Variants in TEX22 observed in about 807,000 individuals in gnomAD.
TEX22 encodes testis-expressed protein 22.
A neutral mutation model predicts 11.3 loss-of-function variants in TEX22; 16 were observed. That is an observed-to-expected ratio of 1.42 (90% CI 0.96 to 2.15). TEX22 has a LOEUF of 2.15. Among genes scored for constraint, TEX22 ranks in the 30% most tolerant of loss-of-function variants. The probability of loss-of-function intolerance (pLI) is 0.00; values close to 1 mark genes in which losing one functional copy is unlikely to be tolerated. For synonymous variants in TEX22, 97 were observed against 92.3 expected, an observed-to-expected ratio of 1.05 and a Z score of -0.29; for missense variants, 220 against 208.6, an observed-to-expected ratio of 1.05 and a Z score of -0.34.
At chr14:105,398,808 A>G (rs1212036084) in intron 1 of TEX22, among the ~76,000 whole-genome samples, 173 bp downstream of exon 1, 1 of 150,656 alleles carries the variant, frequency 6.6e-6, no homozygotes, top group South Asian at 2.1e-4. Context: ...CCGCCTCCCC[A>G]CCGGAGAGGG....
chr14:105,404,264 C>G (rs1555418698), intron 2 of TEX22, among the ~76,000 whole-genome samples: 1 of 152,230 alleles, frequency 6.6e-6, no homozygotes, highest in Non-Finnish European at 1.5e-5. Flanking sequence ...CCCCATAGGA[C>G]AGCTTCAGTA....
Position 105,411,354 on chromosome 14 carries a change from G to A in TEX22, c.151-14G>A. ...GCGCCGAGGCCCTCGCCGACCCGCT[G>A]CCCTGTCCCCCAGGTGTGCGAGCCG... On this transcript the variant is annotated splice_polypyrimidine_tract_variant and intron_variant, in intron 2 of 3. Transcript: ENST00000451127. 3.0e-6 allele frequency: 4 copies of A among 1,324,116 alleles called. No individual in the cohort carries two copies. Among genetic ancestry groups the A allele is most frequent in the Non-Finnish European group, 3.9e-6 (4 of 1,036,302 alleles). 82.0% of individuals were successfully genotyped at this position (1,324,116 alleles called of 1,614,324 possible). A position where few individuals can be genotyped will look rare whatever the true frequency, so the allele number is the denominator to read the frequency against.
At position 105,411,922 on chromosome 14, in the gene TEX22, C is replaced by G. The variant is rs1420906397; in HGVS notation, c.*89C>G. 5 of 1,279,076 alleles carry G rather than the reference C, an allele frequency of 3.9e-6. No homozygotes were observed. The highest frequency in any genetic ancestry group is 5.1e-6 in the Non-Finnish European group (5 of 976,322). 79.2% of individuals were successfully genotyped at this position (1,279,076 alleles called of 1,614,324 possible). ...GCCTCTGCGCCTTCTTTGTGCCCCA[C>G]CAGGGGGTCACCACCCACCCATGTT... On this transcript the variant is annotated 3_prime_UTR_variant, in exon 4 of 4. Coordinates refer to ENST00000451127, the MANE Select transcript of TEX22 (RefSeq NM_001195082.2).
intron 2 of TEX22, among the ~76,000 whole-genome samples, chr14:105,403,601 T>G (rs56169256): frequency 6.6e-6 from 1 of 152,184 alleles, no homozygotes; most frequent in African/African-American, 2.4e-5. Flanking sequence ...TTTAAAAAAA[T>G]TTTTGCAGAG....
chr14:105,404,339 A>G (rs587769498), intron 2 of TEX22, among the ~76,000 whole-genome samples: 2 of 152,296 alleles, frequency 1.3e-5, no homozygotes, highest in South Asian at 2.1e-4. Flanking sequence ...GAAAGCTGCA[A>G]TGACTTCCAT....
intron 2 of TEX22, among the ~76,000 whole-genome samples, chr14:105,407,769 T>A (rs1370638831): frequency 1.3e-5 from 2 of 151,906 alleles, no homozygotes; most frequent in Non-Finnish European, 2.9e-5. Context: ...TCAACAGGAG[T>A]GTTTTGTTAT....
rs2081698597 is a variant in TEX22, at chr14:105,412,263, G to GGC, written c.*431_*432dup. 1 of 158,428 alleles carries GGC rather than the reference G, an allele frequency of 6.3e-6. No individual in the cohort carries two copies. The highest frequency in any genetic ancestry group is 2.4e-5 in the African/African-American group (1 of 41,664). The allele number at this position is 158,428 out of a possible 1,614,324, so 9.8% of individuals were successfully genotyped here. The stretch of plus-strand genomic sequence containing the variant: ...TCTGCCTGCACCAGGCTGTGAGATG[G>GGC]GCCAGGCAGAGTTCTCCAGGGGGCG... On this transcript the variant is annotated 3_prime_UTR_variant, in exon 4 of 4. Coordinates refer to ENST00000451127, the MANE Select transcript of TEX22 (RefSeq NM_001195082.2). The surrounding 1 kb of genome is among the most constrained non-coding windows in gnomAD (Gnocchi z 5.8).
At chr14:105,402,963 A>T (rs2141357149) in intron 2 of TEX22, among the ~76,000 whole-genome samples, 1 of 152,216 alleles carries the variant, frequency 6.6e-6, no homozygotes, top group South Asian at 2.1e-4. Context: ...TGGAAAAGGG[A>T]TCTCCATCTG....
intron 3 of TEX22, 34 bp from the exon 4 acceptor site, chr14:105,411,626 C>G (rs1555419402): frequency 6.6e-7 from 1 of 1,512,014 alleles, no homozygotes. Flanking sequence ...CCCCTTCCCG[C>G]CCCTCGAGGC....
chr14:105,410,882 T>A (rs1404271684), intron 2 of TEX22, among the ~76,000 whole-genome samples: 3 of 152,258 alleles, frequency 2.0e-5, no homozygotes, highest in Non-Finnish European at 4.4e-5. Flanking sequence ...CAGTCTCCTG[T>A]ACCCTGCCAG....
At chr14:105,408,456 C>T (rs1043455408) in intron 2 of TEX22, among the ~76,000 whole-genome samples, 1 of 151,816 alleles carries the variant, frequency 6.6e-6, no homozygotes. Flanking sequence ...CAGAGTCTCG[C>T]TCCATCACCC....
At chr14:105,410,453 G>A (rs1666939749) in intron 2 of TEX22, among the ~76,000 whole-genome samples, 1 of 152,146 alleles carries the variant, frequency 6.6e-6, no homozygotes, top group African/African-American at 2.4e-5. Context: ...TTGATCCATT[G>A]TGGAAACCTG....
In TEX22 at chr14:105,399,363, C is replaced by T; in HGVS notation, c.23C>T (p.Pro8Leu). 6.5e-7 allele frequency: 1 copy of T among 1,535,748 alleles called. No individual in the cohort carries two copies. The highest frequency in any genetic ancestry group is 8.7e-7 in the Non-Finnish European group (1 of 1,146,778). Residue 8 changes from proline (P) to leucine (L), a missense_variant, in exon 2 of 4, where the codon CCC becomes CTC. Pro to Leu is a moderately conservative substitution (Grantham distance 98). Coordinates refer to ENST00000451127, the MANE Select transcript of TEX22 (RefSeq NM_001195082.2). ...GAGATGGACAGCAGGAAACTGTCCCCCCGGGGGAAGAAGCTGGAGTCGCAC... is the reference window on the plus strand; with the variant it reads ...GAGATGGACAGCAGGAAACTGTCCCTCCGGGGGAAGAAGCTGGAGTCGCAC... MDSRKLSPRGKKLESHLS... is the reference protein window; with the variant it reads MDSRKLSLRGKKLESHLS...
chr14:105,399,274 C>CCCCCCCTCCCCCCGCT, intron 1 of TEX22, 28 bp from the exon 2 acceptor site: 1 of 1,222,976 alleles, frequency 8.2e-7, no homozygotes, highest in Non-Finnish European at 1.1e-6. Flanking sequence ...GTGGGCCCCG[C>CCCCCCCTCCCCCCGCT]CCCACCTCCC....
chr14:105,411,449 G>T lies in TEX22; in HGVS notation c.232G>T (p.Gly78Cys). ...CGAGCGCCGGCGGCTGGCCACGCTGGGCGGCCGGGAGAGGCCGGGCGCCGC... is the reference window on the plus strand; with the variant it reads ...CGAGCGCCGGCGGCTGGCCACGCTGTGCGGCCGGGAGAGGCCGGGCGCCGC... ...IDERRRLATL[G>C]GRERPGAAGT... Residue 78 changes from glycine to cysteine, a missense_variant, in exon 3 of 4, where the codon GGC (glycine) becomes TGC (cysteine). Coordinates refer to ENST00000451127, the MANE Select transcript of TEX22 (RefSeq NM_001195082.2). 1 of 1,239,634 alleles carries T rather than the reference G, an allele frequency of 8.1e-7. No homozygotes were observed. The highest frequency in any genetic ancestry group is 1.0e-6 in the Non-Finnish European group (1 of 995,782). 76.8% of individuals were successfully genotyped at this position (1,239,634 alleles called of 1,614,324 possible).
rs1555419406 is a variant in TEX22 at position 105,411,655 on chromosome 14, C to T, written c.280-5C>T. 2 of 1,526,710 alleles carry T rather than the reference C, an allele frequency of 1.3e-6. No individual in the cohort carries two copies. The highest frequency in any genetic ancestry group is 1.2e-5 in the South Asian group (1 of 83,822). 94.6% of individuals were successfully genotyped at this position (1,526,710 alleles called of 1,614,324 possible). A position where few individuals can be genotyped will look rare whatever the true frequency, so the allele number is the denominator to read the frequency against. ...TCGAGGCTCCCTGACCACCCTCGCC[C>T]GCAGGACGTCGTGCAGATGGTAGCC... On this transcript the variant is annotated splice_region_variant and splice_polypyrimidine_tract_variant and intron_variant, in intron 3 of 3. Coordinates refer to ENST00000451127, the MANE Select transcript of TEX22 (RefSeq NM_001195082.2).
chr14:105,411,403 C>T lies in TEX22; in HGVS notation c.186C>T (p.Arg62=). The T allele has an allele frequency of 2.3e-6, 3 of 1,304,988 alleles. No homozygotes were observed. Among genetic ancestry groups the T allele is most frequent in the Non-Finnish European group, 2.9e-6 (3 of 1,028,782 alleles). 80.8% of individuals were successfully genotyped at this position (1,304,988 alleles called of 1,614,324 possible). ...CEPPERRRPG[R]RWSVSIDERR... ...CGCCGGAACGCAGGCGCCCGGGCCG[C>T]CGCTGGAGCGTCAGCATCGACGAGC... Residue 62 remains arginine, a synonymous_variant, in exon 3 of 4, where the codon CGC becomes CGT. Transcript: ENST00000451127.
intron 2 of TEX22, among the ~76,000 whole-genome samples, chr14:105,399,876 G>A (rs1555418194): frequency 6.6e-6 from 1 of 152,248 alleles, no homozygotes; most frequent in African/African-American, 2.4e-5. Flanking sequence ...AGGTGGGGCA[G>A]CTGTCAGGAG....
At chr14:105,404,153 T>G (rs149295856) in intron 2 of TEX22, among the ~76,000 whole-genome samples, 3 of 152,366 alleles carry the variant, frequency 2.0e-5, no homozygotes, top group African/African-American at 7.2e-5. Context: ...ATCTCAAAGC[T>G]TGAGGAAGGC....
Sources: allele counts gnomAD v4.1 joint callset (sites outside exome capture counted in the v4.1 genomes callset), GRCh38; gene constraint gnomAD v4.1.1; non-coding constraint Gnocchi (gnomAD v3.1); transcripts MANE v1.5; gene names NCBI Gene and HGNC (gene_info 2026-07-23, HGNC 2026-07-21).